The following EPN2 variants were observed in gnomAD, a reference collection of about 807,000 sequenced individuals.
EPN2 encodes the protein epsin-2.
In EPN2, 34 loss-of-function variants were observed where a neutral mutation model predicts 61.7. The ratio of observed to expected loss-of-function variants is 0.55; its 90% confidence interval spans 0.42 to 0.73. EPN2 has a LOEUF of 0.73. EPN2 is among the 30% of genes least tolerant of loss of function. The pLI, the probability that EPN2 is intolerant of heterozygous loss-of-function variation, is 0.00. For missense variants in EPN2, 714 were observed against 839.2 expected, an observed-to-expected ratio of 0.85 and a Z score of 1.84; for synonymous variants, 349 against 353.6, an observed-to-expected ratio of 0.99 and a Z score of 0.15.
At chr17:19,329,425 G>C in intron 8 of EPN2, 136 bp from the exon 9 acceptor site, 1 of 622,036 alleles carries the variant, frequency 1.6e-6, no homozygotes, top group Non-Finnish European at 2.9e-6. Context: ...TTGGCTCTCA[G>C]AATTCTCCTC....
At chr17:19,282,451 A>G (rs566990940) in intron 2 of EPN2, 5 of 152,252 alleles carry the variant, frequency 3.3e-5, no homozygotes, top group Non-Finnish European at 5.9e-5. Flanking sequence ...TCTTGTCCTC[A>G]TGTGTATTTT....
At chr17:19,268,791 C>T (rs552200983) in intron 1 of EPN2, among the ~76,000 whole-genome samples, 13 of 152,238 alleles carry the variant, frequency 8.5e-5, no homozygotes, top group East Asian at 1.9e-4. Flanking sequence ...TGGTACACAG[C>T]GGTGACAGTG....
intron 1 of EPN2, among the ~76,000 whole-genome samples, chr17:19,259,642 T>A (rs907150202): frequency 6.6e-5 from 10 of 152,108 alleles, no homozygotes; most frequent in Non-Finnish European, 1.2e-4. Context: ...TCAAAACTTT[T>A]GATCTTTGCT....
At position 19,298,535 on chromosome 17, in the gene EPN2, T is replaced by A. The variant is rs150434036; in HGVS notation, c.767-11350T>A. ...GTTTTTTTTAGAGCTGGGGTCTCGC[T>A]ATATCACTCAGGCTGGCTGGAGCGG... is the stretch of plus-strand genomic sequence containing the variant. On this transcript the variant is annotated intron_variant, in intron 4 of 10. Coordinates refer to ENST00000314728, the MANE Select transcript of EPN2 (RefSeq NM_014964.5). 1.5e-3 allele frequency among the ~76,000 whole-genome samples: 225 copies of A among 152,296 alleles called. 1 individual carries two copies. Among genetic ancestry groups the A allele is most frequent in the African/African-American group, 5.2e-3 (216 of 41,558 alleles).
At chr17:19,299,286 A>G (rs1905351141) in intron 4 of EPN2, among the ~76,000 whole-genome samples, 1 of 152,260 alleles carries the variant, frequency 6.6e-6, no homozygotes, top group Non-Finnish European at 1.5e-5. Flanking sequence ...TTATGATTGA[A>G]TTAAAAAAGA....
At chr17:19,291,586 C>T (rs1010291800) in intron 4 of EPN2, among the ~76,000 whole-genome samples, 8 of 152,046 alleles carry the variant, frequency 5.3e-5, no homozygotes, top group Admixed American at 3.3e-4. Context: ...TACAGGCGCC[C>T]GCCACTGCGC....
At chr17:19,310,111 G>T in intron 5 of EPN2, 114 bp downstream of exon 5, 1 of 734,008 alleles carries the variant, frequency 1.4e-6, no homozygotes, top group South Asian at 1.6e-5. Context: ...TTTCAGATAT[G>T]CTTGCTGAGA....
chr17:19,239,551 G>T (rs1185274778), intron 1 of EPN2, among the ~76,000 whole-genome samples: 1 of 152,120 alleles, frequency 6.6e-6, no homozygotes, highest in Non-Finnish European at 1.5e-5. Context: ...AGTCTCACTG[G>T]GCTATTCTTT....
At chr17:19,253,721 C>G (rs1362945278) in intron 1 of EPN2, among the ~76,000 whole-genome samples, 1 of 152,144 alleles carries the variant, frequency 6.6e-6, no homozygotes, top group Non-Finnish European at 1.5e-5. Context: ...TTTAATTTAA[C>G]TTGTCATTGC....
At chr17:19,268,699 A>C (rs768123917) in intron 1 of EPN2, among the ~76,000 whole-genome samples, 18 of 152,224 alleles carry the variant, frequency 1.2e-4, no homozygotes, top group Admixed American at 1.2e-3. Context: ...CACTTTTCAC[A>C]GTAGCAAAAA....
intron 1 of EPN2, among the ~76,000 whole-genome samples, chr17:19,266,408 T>TA (rs1053692173): frequency 3.2e-4 from 48 of 150,922 alleles, no homozygotes; most frequent in African/African-American, 1.1e-3. Flanking sequence ...TTATTTTATT[T>TA]TTTTTTTTTT....
intron 1 of EPN2, among the ~76,000 whole-genome samples, chr17:19,253,944 C>T (rs1440383042): frequency 1.3e-5 from 2 of 151,888 alleles, no homozygotes; most frequent in Non-Finnish European, 2.9e-5. Flanking sequence ...CCAGCTTGGC[C>T]AACATGGTGA....
chr17:19,330,594 T>A (rs1027218418), intron 9 of EPN2: 2 of 152,270 alleles, frequency 1.3e-5, no homozygotes, highest in East Asian at 1.9e-4. Context: ...TTAATAAGAT[T>A]CCATGTGTCT....
In EPN2 at chr17:19,277,907, C is replaced by G. The variant is rs2045323709; in HGVS notation, c.-293-4048C>G. Among the ~76,000 whole-genome samples, 4 of 152,086 alleles carry G rather than the reference C, an allele frequency of 2.6e-5. No individual in the cohort carries two copies. The South Asian group carries it at 8.3e-4, about 32-fold the overall frequency. On this transcript the variant is annotated intron_variant, in intron 1 of 10. Transcript: ENST00000314728. ...CTAACACGGTGAAACCTCGTCTCCA[C>G]TAAAAATACAAAAAAATTAGCTGGG... is the stretch of plus-strand genomic sequence containing the variant.
intron 1 of EPN2, among the ~76,000 whole-genome samples, chr17:19,277,745 T>C (rs2045321423): frequency 6.6e-6 from 1 of 152,032 alleles, no homozygotes; most frequent in Admixed American, 6.5e-5. Flanking sequence ...AAAGTCTCGC[T>C]TAGGTGAGGT....
At chr17:19,293,997 G>C (rs1264348937) in intron 4 of EPN2, among the ~76,000 whole-genome samples, 1 of 151,988 alleles carries the variant, frequency 6.6e-6, no homozygotes, top group Non-Finnish European at 1.5e-5. Context: ...AGCTGAGGCA[G>C]GAGATTGCTT....
At chr17:19,266,632 C>T (rs1432221722) in intron 1 of EPN2, among the ~76,000 whole-genome samples, 1 of 151,424 alleles carries the variant, frequency 6.6e-6, no homozygotes, top group Non-Finnish European at 1.5e-5. Flanking sequence ...TCGATCTCCT[C>T]ACCTCGTGAT....
At chr17:19,249,863 G>A (rs974308154) in intron 1 of EPN2, among the ~76,000 whole-genome samples, 21 of 152,186 alleles carry the variant, frequency 1.4e-4, no homozygotes, top group African/African-American at 5.1e-4. Flanking sequence ...GGAGGCTCTG[G>A]GGGGGAACCC....
In EPN2 at chr17:19,334,172, C is replaced by T; in HGVS notation, c.1844C>T (p.Ala615Val). ...TGSSLTPLGP[A>V]MMNMVGSVGI... The stretch of plus-strand genomic sequence containing the variant: ...TCCTCTCTGACACCACTGGGCCCTG[C>T]AATGATGAACATGGTGGGCAGTGTG... The change falls in exon 11 of 11, where the codon GCA becomes GTA. Residue 615 changes from alanine to valine, a missense_variant. Ala to Val is a moderately conservative substitution (Grantham distance 64). Coordinates refer to ENST00000314728, the MANE Select transcript of EPN2 (RefSeq NM_014964.5). The surrounding 1 kb of genome is among the most constrained non-coding windows in gnomAD (Gnocchi z 4.9). The T allele has an allele frequency of 6.3e-7, 1 of 1,588,248 alleles. No individual in the cohort carries two copies. The highest frequency in any genetic ancestry group is 8.6e-7 in the Non-Finnish European group (1 of 1,164,820).
Sources: gnomAD v4.1 joint callset for allele counts (sites outside exome capture counted in the v4.1 genomes callset) on GRCh38, gnomAD v4.1.1 for gene constraint, Gnocchi (gnomAD v3.1) non-coding constraint, MANE v1.5 for transcripts, NCBI Gene and HGNC (gene_info 2026-07-23, HGNC 2026-07-21) for gene names.